Variants in SPATS2 observed in about 807,000 individuals in gnomAD.
SPATS2 encodes the protein spermatogenesis associated serine rich 2.
In SPATS2, 38 loss-of-function variants were observed where a neutral mutation model predicts 63.7. That is an observed-to-expected ratio of 0.60 (90% CI 0.46 to 0.78). The LOEUF is 0.78. Ranked by LOEUF, SPATS2 falls within the 30% of genes least tolerant of loss-of-function variation. The pLI is 0.00. For synonymous variants in SPATS2, 207 were observed against 232.9 expected (o/e 0.89, Z 1.01); for missense variants, 588 against 666.2 (o/e 0.88, Z 1.29).
intron 8 of SPATS2, 39 bp downstream of exon 8, chr12:49,497,048 C>A: frequency 3.3e-6 from 5 of 1,505,324 alleles, no homozygotes; most frequent in Non-Finnish European, 4.4e-6. Flanking sequence ...AATGAAAAAT[C>A]TGTGTTTTTG....
chr12:49,461,090 A>T, intron 3 of SPATS2, 53 bp downstream of exon 3: 1 of 1,569,230 alleles, frequency 6.4e-7, no homozygotes, highest in Non-Finnish European at 8.8e-7. Context: ...AATGATCCCC[A>T]TTTATAGCTG....
At chr12:49,444,987 G>T (rs184525395) in intron 2 of SPATS2, among the ~76,000 whole-genome samples, 1 of 152,182 alleles carries the variant, frequency 6.6e-6, no homozygotes. Flanking sequence ...TTTTTGGTGT[G>T]TGTGTATATG....
chr12:49,380,417 G>C (rs569726218), intron 2 of SPATS2, among the ~76,000 whole-genome samples: 6 of 152,072 alleles, frequency 3.9e-5, no homozygotes, highest in African/African-American at 1.4e-4. Flanking sequence ...GAAAAAATCT[G>C]TTTATTGGCC....
At chr12:49,390,136 A>G (rs2137241147) in intron 2 of SPATS2, 16 of 1,543,124 alleles carry the variant, frequency 1.0e-5, no homozygotes, top group Admixed American at 1.7e-5. Context: ...ATTAGTGACC[A>G]ACAGTGACTT....
Position 49,526,188 on chromosome 12 carries a change from C to G in SPATS2, c.1571C>G (p.Pro524Arg), listed in dbSNP as rs1473589615. 1.9e-6 allele frequency: 3 copies of G among 1,614,064 alleles called. No homozygotes were observed. Among genetic ancestry groups the G allele is most frequent in the Non-Finnish European group, 2.5e-6 (3 of 1,180,040 alleles). ...GVSMEPSPPT[P>R]SFKKGLPQRK... is the part of the protein sequence containing the mutation. ...AGCATGGAGCCCAGCCCTCCCACGCCTTCATTCAAAAAGGGGCTCCCCCAG... is the reference window on the plus strand; with the variant it reads ...AGCATGGAGCCCAGCCCTCCCACGCGTTCATTCAAAAAGGGGCTCCCCCAG... Residue 524 changes from proline to arginine, a missense_variant, in exon 14 of 14, where the codon CCT (proline) becomes CGT (arginine). Coordinates refer to ENST00000552918, the MANE Select transcript of SPATS2 (RefSeq NM_023071.4).
At chr12:49,469,263 G>A (rs1010573763) in intron 3 of SPATS2, among the ~76,000 whole-genome samples, 1 of 151,140 alleles carries the variant, frequency 6.6e-6, no homozygotes, top group Non-Finnish European at 1.5e-5. Flanking sequence ...GGTGGCAGGC[G>A]CCTATAATCC....
chr12:49,386,322 C>G (rs1944318408), intron 2 of SPATS2, among the ~76,000 whole-genome samples: 1 of 151,870 alleles, frequency 6.6e-6, no homozygotes, highest in Admixed American at 6.6e-5. Context: ...CGCCACCATG[C>G]CCAACTAATT....
intron 8 of SPATS2, among the ~76,000 whole-genome samples, chr12:49,497,231 A>G (rs897449766): frequency 6.6e-6 from 1 of 152,152 alleles, no homozygotes; most frequent in African/African-American, 2.4e-5. Context: ...TTACGACGGC[A>G]CGTTTTGTGA....
chr12:49,390,115 T>A (rs1308935636), intron 2 of SPATS2: 6 of 1,520,136 alleles, frequency 3.9e-6, no homozygotes, highest in African/African-American at 2.7e-5. Context: ...GGAAAGTACT[T>A]CTTTGTCAGC....
At chr12:49,464,621 C>T (rs1945878373) in intron 3 of SPATS2, among the ~76,000 whole-genome samples, 1 of 134,310 alleles carries the variant, frequency 7.4e-6, no homozygotes, top group Admixed American at 7.2e-5. Context: ...GAGCAAAACT[C>T]CATCTTAAAA....
intron 2 of SPATS2, among the ~76,000 whole-genome samples, chr12:49,449,254 C>T (rs1392877104): frequency 6.6e-6 from 1 of 152,138 alleles, no homozygotes; most frequent in African/African-American, 2.4e-5. Flanking sequence ...CTCGCTCTGT[C>T]GCCCAAGCTG....
chr12:49,494,713 T>C (rs1946435684), intron 6 of SPATS2, 28 bp from the exon 7 acceptor site: 4 of 1,483,636 alleles, frequency 2.7e-6, no homozygotes, highest in Non-Finnish European at 3.6e-6. Context: ...TTCTTTTCTT[T>C]TCTTTTTCAA....
chr12:49,402,434 A>G (rs534653570), intron 2 of SPATS2, among the ~76,000 whole-genome samples: 139 of 152,282 alleles, frequency 9.1e-4, no homozygotes, highest in African/African-American at 3.0e-3. Flanking sequence ...ATCTGAAAAG[A>G]TACAGAATGG....
At chr12:49,486,589 C>T (rs1946297702) in intron 4 of SPATS2, among the ~76,000 whole-genome samples, 1 of 152,054 alleles carries the variant, frequency 6.6e-6, no homozygotes, top group African/African-American at 2.4e-5. Flanking sequence ...AATGTATTAA[C>T]CTTCGTTGAA....
chr12:49,462,551 CA>C, intron 3 of SPATS2: 1 of 662,584 alleles, frequency 1.5e-6, no homozygotes, highest in South Asian at 1.7e-5. Flanking sequence ...GCCAGTGTGA[CA>C]GCCTTTTGTA....
chr12:49,524,896 G>C lies in SPATS2; in HGVS notation c.1326G>C (p.Glu442Asp), dbSNP rs1947006933. The change falls in exon 13 of 14, where the codon GAG (glutamate) becomes GAC (aspartate). Residue 442 changes from glutamate to aspartate, a missense_variant and splice_region_variant. Coordinates refer to ENST00000552918, the MANE Select transcript of SPATS2 (RefSeq NM_023071.4). The stretch of plus-strand genomic sequence containing the variant: ...GCCAGCCCTACCAGCCACTTCGGGA[G>C]GTAACCTAGCTTCTACACTGAGCAT... The part of the protein sequence containing the change: ...SSGQPYQPLR[E>D]VLPGNRRGGQ... The C allele has an allele frequency of 2.5e-6, 4 of 1,612,902 alleles. No homozygotes were observed. The highest frequency in any genetic ancestry group is 3.4e-6 in the Non-Finnish European group (4 of 1,179,976).
At chr12:49,478,423 T>C (rs1331151822) in intron 3 of SPATS2, among the ~76,000 whole-genome samples, 1 of 152,190 alleles carries the variant, frequency 6.6e-6, no homozygotes, top group Admixed American at 6.5e-5. Context: ...TGAACTCCAC[T>C]TGTAATTTTA....
intron 3 of SPATS2, among the ~76,000 whole-genome samples, chr12:49,470,464 C>G (rs1216431823): frequency 6.6e-6 from 1 of 152,130 alleles, no homozygotes. Context: ...CATTTTAAGT[C>G]TATTATTTTC....
chr12:49,422,771 A>G (rs1349409889), intron 2 of SPATS2, among the ~76,000 whole-genome samples: 2 of 152,036 alleles, frequency 1.3e-5, no homozygotes, highest in African/African-American at 4.8e-5. Context: ...AACTAGCTGC[A>G]TGTGGTGGCG....
Sources: gnomAD v4.1 joint callset for allele counts (sites outside exome capture counted in the v4.1 genomes callset) on GRCh38, gnomAD v4.1.1 for gene constraint, MANE v1.5 for transcripts, NCBI Gene and HGNC (gene_info 2026-07-23, HGNC 2026-07-21) for gene names.